TRMT61B: variants seen among roughly 807,000 people sequenced by gnomAD.
TRMT61B encodes tRNA (adenine(58)-N(1))-methyltransferase, mitochondrial.
A neutral mutation model predicts 52.0 loss-of-function variants in TRMT61B; 56 were observed. The ratio of observed to expected loss-of-function variants is 1.08; its 90% CI spans 0.87 to 1.35. TRMT61B has a LOEUF of 1.35. Among genes scored for constraint, TRMT61B ranks in the 40% most tolerant of loss-of-function variants. TRMT61B has a pLI of 0.00. For synonymous variants in TRMT61B, 206 were observed against 220.0 expected, an observed-to-expected ratio of 0.94 and a Z score of 0.56; for missense variants, 650 against 577.9, an observed-to-expected ratio of 1.12 and a Z score of -1.28.
chr2:28,856,201 C>A (rs143653279), intron 3 of TRMT61B, among the ~76,000 whole-genome samples: 254 of 152,222 alleles, frequency 1.7e-3, no homozygotes, highest in Non-Finnish European at 3.0e-3. Context: ...TTTTTCAAAG[C>A]CTAATCAAGA....
At position 28,870,116 on chromosome 2, in the gene TRMT61B, G is replaced by T; in HGVS notation, c.162C>A (p.His54Gln). 1 of 1,614,050 alleles carries T rather than the reference G, an allele frequency of 6.2e-7. No individual in the cohort carries two copies. Among genetic ancestry groups the T allele is most frequent in the Non-Finnish European group, 8.5e-7 (1 of 1,180,038 alleles). ...PRDLRDGERE[H>Q]EAAQRKAPGA... ...CTGGGGCTTTCCTTTGTGCCGCCTC[G>T]TGCTCTCTTTCTCCATCTCGCAGGT... Residue 54 changes from histidine (H) to glutamine (Q), a missense_variant, in exon 1 of 7, where the codon CAC becomes CAA. Physicochemically the swap from His to Gln is conservative, Grantham distance 24. Coordinates refer to ENST00000306108, the MANE Select transcript of TRMT61B (RefSeq NM_017910.4).
chr2:28,865,786 T>C (rs1409989316), intron 1 of TRMT61B, among the ~76,000 whole-genome samples: 1 of 150,442 alleles, frequency 6.6e-6, no homozygotes, highest in Admixed American at 6.7e-5. Context: ...GTTCAAGCGA[T>C]TCTCCTGCCT....
chr2:28,854,952 A>T (rs1263730123), intron 3 of TRMT61B, among the ~76,000 whole-genome samples: 1 of 152,142 alleles, frequency 6.6e-6, no homozygotes, highest in African/African-American at 2.4e-5. Context: ...AAAGAGGGAA[A>T]GAAAGGGACA....
chr2:28,855,740 G>T (rs914970312), intron 3 of TRMT61B, among the ~76,000 whole-genome samples: 1 of 152,144 alleles, frequency 6.6e-6, no homozygotes, highest in South Asian at 2.1e-4. Context: ...AGGCCGAGGC[G>T]GGTGGATCAC....
In TRMT61B at chr2:28,861,018, G is replaced by C. The variant is rs970027443; in HGVS notation, c.993+100C>G. On this transcript the variant is annotated intron_variant, in intron 3 of 6. Coordinates refer to ENST00000306108, the MANE Select transcript of TRMT61B (RefSeq NM_017910.4). Reference sequence around the variant, plus strand: ...TCTTTCAATCCCTAGAGATAGACATGAAGCAAACGAAGGAAGACCTTTGCC... The same window carrying C: ...TCTTTCAATCCCTAGAGATAGACATCAAGCAAACGAAGGAAGACCTTTGCC... 7 of 974,156 alleles carry C rather than the reference G, an allele frequency of 7.2e-6. No homozygotes were observed. In the South Asian group the frequency reaches 1.4e-4, roughly 19 times the overall value. 60.3% of individuals were successfully genotyped at this position (974,156 alleles called of 1,614,324 possible). A position where few individuals can be genotyped will look rare whatever the true frequency, so the allele number is the denominator to read the frequency against.
At chr2:28,852,067 C>A (rs550592462) in intron 4 of TRMT61B, among the ~76,000 whole-genome samples, 8 of 150,014 alleles carry the variant, frequency 5.3e-5, no homozygotes, top group Non-Finnish European at 1.0e-4. Flanking sequence ...AAGCCCAGCA[C>A]CTTGGGAGAC....
rs1290679789 is a variant in TRMT61B, at chr2:28,869,738, T to C, written c.540A>G (p.Leu180=). The C allele has an allele frequency of 1.9e-6, 3 of 1,614,230 alleles. No individual in the cohort carries two copies. The highest frequency in any genetic ancestry group is 8.5e-7 in the Non-Finnish European group (1 of 1,180,042). The change falls in exon 1 of 7, where the codon TTA becomes TTG. Residue 180 remains leucine, a synonymous_variant. Coordinates refer to ENST00000306108, the MANE Select transcript of TRMT61B (RefSeq NM_017910.4). ...KLFRLNNFGL[L]NSNWGAVPFG... ...ACGGGACTGCCCCCCAGTTACTATT[T>C]AAGAGTCCGAAGTTGTTCAACCTAA... is the stretch of plus-strand genomic sequence containing the variant.
chr2:28,862,211 A>G (rs1669633285), intron 2 of TRMT61B, among the ~76,000 whole-genome samples: 2 of 150,424 alleles, frequency 1.3e-5, no homozygotes, highest in Admixed American at 1.3e-4. Context: ...TCTCAAAAAA[A>G]AAAAAAAAAA....
At chr2:28,864,989 T>C (rs1231819077) in intron 2 of TRMT61B, 28 bp downstream of exon 2, 3 of 1,309,956 alleles carry the variant, frequency 2.3e-6, no homozygotes, top group Admixed American at 1.7e-5. Flanking sequence ...TCTTTGTTAC[T>C]GAGATCCAGC....
Position 28,861,157 on chromosome 2 carries a change from T to C in TRMT61B, c.954A>G (p.Ser318=), listed in dbSNP as rs767343551. 1 of 1,609,466 alleles carries C rather than the reference T, an allele frequency of 6.2e-7. No individual in the cohort carries two copies. The highest frequency in any genetic ancestry group is 1.3e-5 in the African/African-American group (1 of 74,772). ...AAGATTTTATGTCTTCGGTTGCTCCTGAAATGTCCTTATGAATAAAATCCA... is the reference window on the plus strand; with the variant it reads ...AAGATTTTATGTCTTCGGTTGCTCCCGAAATGTCCTTATGAATAAAATCCA... ...DNVDFIHKDI[S]GATEDIKSLT... Residue 318 remains serine, a synonymous_variant, in exon 3 of 7, where the codon TCA becomes TCG. Transcript: ENST00000306108.
intron 4 of TRMT61B, among the ~76,000 whole-genome samples, chr2:28,851,787 G>T (rs1039653902): frequency 1.0e-4 from 15 of 144,508 alleles, no homozygotes; most frequent in Non-Finnish European, 2.2e-4. Context: ...GCTGAGGCAG[G>T]AGAATCACTT....
In TRMT61B at chr2:28,870,141, T is replaced by G; in HGVS notation, c.137A>C (p.Asp46Ala). 3 of 1,613,968 alleles carry G rather than the reference T, an allele frequency of 1.9e-6. No homozygotes were observed. The highest frequency in any genetic ancestry group is 4.5e-5 in the East Asian group (2 of 44,882). The change falls in exon 1 of 7, where the codon GAC becomes GCC. Residue 46 changes from aspartate (D) to alanine (A), a missense_variant. Coordinates refer to ENST00000306108, the MANE Select transcript of TRMT61B (RefSeq NM_017910.4). Reference protein sequence around the residue: ...RSLCCRSSPRDLRDGEREHEA... With the variant: ...RSLCCRSSPRALRDGEREHEA... ...GTGCTCTCTTTCTCCATCTCGCAGG[T>G]CTCTAGGCGAGGACCTGCAACACAG... is the stretch of plus-strand genomic sequence containing the variant.
rs147487374 is a variant in TRMT61B at position 28,870,135 on chromosome 2, C to G, written c.143G>C (p.Arg48Pro). The change falls in exon 1 of 7, where the codon CGA (arginine) becomes CCA (proline). Residue 48 changes from arginine (R) to proline (P), a missense_variant. By Grantham distance (103) the Arg-to-Pro change is moderately radical (BLOSUM62 -2). Coordinates refer to ENST00000306108, the MANE Select transcript of TRMT61B (RefSeq NM_017910.4). ...CGCCTCGTGCTCTCTTTCTCCATCT[C>G]GCAGGTCTCTAGGCGAGGACCTGCA... ...LCCRSSPRDLRDGEREHEAAQ... is the reference protein window; with the variant it reads ...LCCRSSPRDLPDGEREHEAAQ... The G allele has an allele frequency of 1.1e-5, 18 of 1,613,966 alleles. No homozygotes were observed. The African/African-American group carries it at 1.7e-4, about 16-fold the overall frequency.
At chr2:28,851,342 CATT>C in intron 4 of TRMT61B, 44 bp from the exon 5 acceptor site, 6 of 1,323,252 alleles carry the variant, frequency 4.5e-6, no homozygotes, top group African/African-American at 1.5e-5. Context: ...AAAATAATAA[CATT>C]ATATTTATTT....
Position 28,852,750 on chromosome 2 carries a change from G to A in TRMT61B, c.994-251C>T, listed in dbSNP as rs114411411. On this transcript the variant is annotated intron_variant, in intron 3 of 6. Coordinates refer to ENST00000306108, the MANE Select transcript of TRMT61B (RefSeq NM_017910.4). ...GAGGCAAGAGGATCCATTTGAGGCC[G>A]AGTTTGAGAACAGCCCAGGCAACAT... is the stretch of plus-strand genomic sequence containing the variant. Among the ~76,000 whole-genome samples, 688 of 151,934 alleles carry A rather than the reference G, an allele frequency of 4.5e-3. 7 individuals are homozygous for A. Among genetic ancestry groups the A allele is most frequent in the African/African-American group, 0.016 (646 of 41,426 alleles).
At chr2:28,869,534 T>C (rs1572560290) in intron 1 of TRMT61B, 45 bp downstream of exon 1, 2 of 1,375,204 alleles carry the variant, frequency 1.5e-6, no homozygotes, top group African/African-American at 2.9e-5. Flanking sequence ...GCATCTGTCT[T>C]TGCCCCTCCT....
chr2:28,850,183 C>T lies in TRMT61B; in HGVS notation c.*16G>A. The stretch of plus-strand genomic sequence containing the variant: ...TATTTTTCCATCTTCAAGTCAGTTA[C>T]TGTCATCTGGAGTACTCAGTTAAGT... On this transcript the variant is annotated 3_prime_UTR_variant, in exon 7 of 7. Transcript: ENST00000306108. 5 of 1,604,110 alleles carry T rather than the reference C, an allele frequency of 3.1e-6. No homozygotes were observed. The highest frequency in any genetic ancestry group is 4.3e-6 in the Non-Finnish European group (5 of 1,174,562).
chr2:28,852,861 AGGTG>A lies in TRMT61B; in HGVS notation c.994-366_994-363del, dbSNP rs957149480. Among the ~76,000 whole-genome samples, 7 of 151,758 alleles carry A rather than the reference AGGTG, an allele frequency of 4.6e-5. 1 individual carries two copies. Among genetic ancestry groups the A allele is most frequent in the Admixed American group, 2.6e-4 (4 of 15,228 alleles). On this transcript the variant is annotated intron_variant, in intron 3 of 6. Coordinates refer to ENST00000306108, the MANE Select transcript of TRMT61B (RefSeq NM_017910.4). Reference sequence around the variant, plus strand: ...GTAGTACCAGCTATTCAGGAAGCTGAGGTGGGAGGGTCACTGGAGCCTAGGAGTT... The same window carrying A: ...GTAGTACCAGCTATTCAGGAAGCTGAGGAGGGTCACTGGAGCCTAGGAGTT...
At position 28,869,721 on chromosome 2, in the gene TRMT61B, G is replaced by GC. The variant is rs746516437; in HGVS notation, c.556dup (p.Ala186GlyfsTer22). 9.3e-6 allele frequency: 15 copies of GC among 1,613,974 alleles called. No homozygotes were observed. The highest frequency in any genetic ancestry group is 1.6e-4 in the Middle Eastern group (1 of 6,084). On this transcript the variant is annotated frameshift_variant, in exon 1 of 7. Coordinates refer to ENST00000306108, the MANE Select transcript of TRMT61B (RefSeq NM_017910.4). LOFTEE classifies it high-confidence loss of function. ...CCCCACGATCTTGCCGAACGGGACT[G>GC]CCCCCCAGTTACTATTTAAGAGTCC...
Sources: allele counts gnomAD v4.1 joint callset (sites outside exome capture counted in the v4.1 genomes callset), GRCh38; gene constraint gnomAD v4.1.1; transcripts MANE v1.5; gene names NCBI Gene and HGNC (gene_info 2026-07-23, HGNC 2026-07-21).